The following LPCAT1 variants were observed in gnomAD, a reference collection of about 807,000 sequenced individuals.
LPCAT1 encodes the protein 1-acylglycerol-3-phosphate O-acyltransferase.
A neutral mutation model predicts 60.9 loss-of-function variants in LPCAT1; 23 were observed. The observed-to-expected ratio is 0.38, with a 90% CI of 0.27 to 0.53. The LOEUF is 0.53. Among genes scored for constraint, LPCAT1 ranks in the 20% least tolerant of loss-of-function variants. The pLI, the probability that LPCAT1 is intolerant of heterozygous loss-of-function variation, is 0.82. For synonymous variants in LPCAT1, 340 were observed against 301.1 expected (o/e 1.13, Z -1.34); for missense variants, 622 against 723.6 (o/e 0.86, Z 1.61).
chr5:1,501,749 G>A, intron 1 of LPCAT1, 146 bp from the exon 2 acceptor site: 1 of 831,616 alleles, frequency 1.2e-6, no homozygotes, highest in Non-Finnish European at 1.9e-6. Flanking sequence ...GCTGACCAAG[G>A]CTGACCAGCA....
At chr5:1,472,979 GCTC>G (rs1431691079) in intron 11 of LPCAT1, among the ~76,000 whole-genome samples, 5 of 152,082 alleles carry the variant, frequency 3.3e-5, no homozygotes, top group African/African-American at 7.2e-5. Context: ...TGTCCTGGGT[GCTC>G]CTCATCTTCT....
chr5:1,495,053 C>T lies in LPCAT1; in HGVS notation c.279-139G>A. ...CTTCCTGTGGTCGCCGCCGCTGGGA[C>T]ATCTGCTTGAGGGAAGAAAAGACGC... On this transcript the variant is annotated intron_variant, in intron 2 of 13. Transcript: ENST00000283415. The surrounding 1 kb of genome is among the most constrained non-coding windows in gnomAD (Gnocchi z 4.7). 1.4e-6 allele frequency: 1 copy of T among 739,998 alleles called. No individual in the cohort carries two copies. The highest frequency in any genetic ancestry group is 2.2e-6 in the Non-Finnish European group (1 of 462,204). 45.8% of individuals were successfully genotyped at this position (739,998 alleles called of 1,614,324 possible).
chr5:1,517,224 G>A (rs189959022), intron 1 of LPCAT1, among the ~76,000 whole-genome samples: 81 of 152,310 alleles, frequency 5.3e-4, no homozygotes, highest in African/African-American at 1.9e-3. Flanking sequence ...GACGGTCGCG[G>A]CTCCTGGCCA....
intron 13 of LPCAT1, among the ~76,000 whole-genome samples, chr5:1,465,168 A>G (rs1018890947): frequency 6.7e-6 from 1 of 148,354 alleles, no homozygotes; most frequent in African/African-American, 2.5e-5. Context: ...ACATGCATGC[A>G]CACACACAAA....
In LPCAT1 at chr5:1,472,657, A is replaced by C. The variant is rs182973454; in HGVS notation, c.1179+1300T>G. ...AATGCTGCCTGTGAAACCAGTATTC[A>C]CCATTTCACGTTTCAATTCCAACAC... On this transcript the variant is annotated intron_variant, in intron 11 of 13. Transcript: ENST00000283415. Among the ~76,000 whole-genome samples the C allele has an allele frequency of 3.3e-5, 5 of 152,196 alleles. No homozygotes were observed. In the East Asian group the frequency reaches 5.8e-4, roughly 18 times the overall value.
intron 6 of LPCAT1, among the ~76,000 whole-genome samples, chr5:1,482,531 T>G (rs1484551495): frequency 7.6e-5 from 1 of 13,106 alleles, no homozygotes. Flanking sequence ...TGGGGTGGGG[T>G]GGGGCAGAGC....
intron 1 of LPCAT1, among the ~76,000 whole-genome samples, chr5:1,517,611 T>C (rs1239421486): frequency 6.6e-6 from 1 of 152,056 alleles, no homozygotes; most frequent in Non-Finnish European, 1.5e-5. Flanking sequence ...GCAGGGCTCC[T>C]GAGTGGCCAC....
At chr5:1,499,510 A>G (rs1735928239) in intron 2 of LPCAT1, among the ~76,000 whole-genome samples, 1 of 152,216 alleles carries the variant, frequency 6.6e-6, no homozygotes, top group Non-Finnish European at 1.5e-5. Flanking sequence ...TATATATTTG[A>G]TACCCAATTC....
chr5:1,467,856 C>T (rs1195918295), intron 12 of LPCAT1, among the ~76,000 whole-genome samples: 1 of 152,112 alleles, frequency 6.6e-6, no homozygotes, highest in African/African-American at 2.4e-5. Flanking sequence ...CTGCCTGGGG[C>T]TGCACCATCC....
Position 1,496,818 on chromosome 5 carries a change from G to A in LPCAT1, c.279-1904C>T, listed in dbSNP as rs754925067. Among the ~76,000 whole-genome samples the A allele has an allele frequency of 9.2e-5, 14 of 152,190 alleles. No homozygotes were observed. On this transcript the variant is annotated intron_variant, in intron 2 of 13. Coordinates refer to ENST00000283415, the MANE Select transcript of LPCAT1 (RefSeq NM_024830.5). The surrounding 1 kb of genome is among the most constrained non-coding windows in gnomAD (Gnocchi z 4.7). ...CTCAGAGAAAAGCTCCGCTTGCTGTGGGGTTGGGGACCCAGCACCCACTCA... is the reference window on the plus strand; with the variant it reads ...CTCAGAGAAAAGCTCCGCTTGCTGTAGGGTTGGGGACCCAGCACCCACTCA...
rs946064578 is a variant in LPCAT1, at chr5:1,521,287, G to C, written c.135+2423C>G. The C allele has an allele frequency of 2.0e-6, 2 of 979,504 alleles. No individual in the cohort carries two copies. The highest frequency in any genetic ancestry group is 2.4e-6 in the Non-Finnish European group (2 of 824,594). The allele number at this position is 979,504 out of a possible 1,614,324, so 60.7% of individuals were successfully genotyped here. ...AGGTGTCCCCGCATGGCGCTAATCC[G>C]AAGACACACAGCAGCCCCTCCCAGG... On this transcript the variant is annotated intron_variant, in intron 1 of 13. Coordinates refer to ENST00000283415, the MANE Select transcript of LPCAT1 (RefSeq NM_024830.5). The surrounding 1 kb of genome is among the most constrained non-coding windows in gnomAD (Gnocchi z 4.3).
At position 1,481,094 on chromosome 5, in the gene LPCAT1, G is replaced by GT. The variant is rs1466569292; in HGVS notation, c.727-119_727-118insA. On this transcript the variant is annotated intron_variant, in intron 6 of 13. Coordinates refer to ENST00000283415, the MANE Select transcript of LPCAT1 (RefSeq NM_024830.5). The surrounding 1 kb of genome is among the most constrained non-coding windows in gnomAD (Gnocchi z 7.8). ...CACCCCACAGAGGCGCTGCAGCCAG[G>GT]GGGAAGGGAGGAGGGTGCTAGAGCT... is the stretch of plus-strand genomic sequence containing the variant. 1.8e-5 allele frequency: 22 copies of GT among 1,237,774 alleles called. No homozygotes were observed. The highest frequency in any genetic ancestry group is 3.4e-5 in the Admixed American group (2 of 58,294). 76.7% of individuals were successfully genotyped at this position (1,237,774 alleles called of 1,614,324 possible). A position where few individuals can be genotyped will look rare whatever the true frequency, so the allele number is the denominator to read the frequency against.
In LPCAT1 at chr5:1,501,449, C is replaced by T. The variant is rs756193421; in HGVS notation, c.278+12G>A. On this transcript the variant is annotated intron_variant, in intron 2 of 13. Transcript: ENST00000283415. ...CCCCCCAGGAGGAGAGCACGGCACA[C>T]GCGCAACTTACTTCCTCCACAGGGC... The T allele has an allele frequency of 1.6e-5, 26 of 1,603,864 alleles. No individual in the cohort carries two copies. Among genetic ancestry groups the T allele is most frequent in the Middle Eastern group, 2.0e-4 (1 of 5,048 alleles).
At chr5:1,470,626 G>A (rs545631782) in intron 12 of LPCAT1, among the ~76,000 whole-genome samples, 200 bp downstream of exon 12, 1 of 152,360 alleles carries the variant, frequency 6.6e-6, no homozygotes, top group East Asian at 1.9e-4. Flanking sequence ...AGTGTGGATT[G>A]CTAATCCAGG....
chr5:1,523,819 C>G lies in LPCAT1; in HGVS notation c.26G>C (p.Arg9Pro). The G allele has an allele frequency of 9.2e-7, 1 of 1,086,766 alleles. No individual in the cohort carries two copies. Among genetic ancestry groups the G allele is most frequent in the Non-Finnish European group, 1.1e-6 (1 of 895,462 alleles). The allele number at this position is 1,086,766 out of a possible 1,614,324, so 67.3% of individuals were successfully genotyped here. A position where few individuals can be genotyped will look rare whatever the true frequency, so the allele number is the denominator to read the frequency against. The change falls in exon 1 of 14, where the codon CGG (arginine) becomes CCG (proline). Residue 9 changes from arginine (R) to proline (P), a missense_variant. This residue lies in a region of LPCAT1 where 125 missense variants were observed against 114.5 expected (regional missense o/e 1.09). Transcript: ENST00000283415. The surrounding 1 kb of genome is among the most constrained non-coding windows in gnomAD (Gnocchi z 7.1). ...CCCTGCGCTGGAGGCAGGGGCGGCC[C>G]GGGGTCCGCATCCCCGCAGCCTCAT... is the stretch of plus-strand genomic sequence containing the variant. MRLRGCGPRAAPASSAGAS... is the reference protein window; with the variant it reads MRLRGCGPPAAPASSAGAS...
chr5:1,474,218 G>A, intron 10 of LPCAT1, 108 bp from the exon 11 acceptor site: 3 of 1,238,016 alleles, frequency 2.4e-6, no homozygotes, highest in Non-Finnish European at 3.4e-6. Context: ...AGAAGTAGCA[G>A]CAAGCTAGTT....
In LPCAT1 at chr5:1,522,972, C is replaced by G. The variant is rs1579823650; in HGVS notation, c.135+738G>C. Among the ~76,000 whole-genome samples the G allele has an allele frequency of 1.3e-5, 2 of 152,324 alleles. No homozygotes were observed. The highest frequency in any genetic ancestry group is 1.5e-5 in the Non-Finnish European group (1 of 68,018). On this transcript the variant is annotated intron_variant, in intron 1 of 13. Transcript: ENST00000283415. The surrounding 1 kb of genome is among the most constrained non-coding windows in gnomAD (Gnocchi z 6.8). ...CCTCACCACTGTCCCATCGCAGGAT[C>G]TCAGCAAACCGTTCCCTCCCACGTG...
Position 1,477,472 on chromosome 5 carries a change from G to T in LPCAT1, c.831C>A (p.Tyr277Ter). ...NQVEIEFLPV[Y>*]SPSEEEKRNP... is the part of the protein sequence containing the mutation. ...TCCTCTTCTCCTCCTCAGAAGGGCT[G>T]TACACAGGAAGGAACTGAGCACACA... Residue 277 changes from tyrosine (Y) to a stop codon, truncating the protein, a stop_gained, in exon 9 of 14, where the codon TAC becomes TAA. Coordinates refer to ENST00000283415, the MANE Select transcript of LPCAT1 (RefSeq NM_024830.5). LOFTEE classifies it high-confidence loss of function. The surrounding 1 kb of genome is among the most constrained non-coding windows in gnomAD (Gnocchi z 6.0). 6.2e-7 allele frequency: 1 copy of T among 1,613,750 alleles called. No homozygotes were observed. The highest frequency in any genetic ancestry group is 1.3e-5 in the African/African-American group (1 of 75,028).
intron 4 of LPCAT1, 123 bp from the exon 5 acceptor site, chr5:1,488,574 A>G (rs1320666223): frequency 4.7e-6 from 3 of 640,718 alleles, no homozygotes; most frequent in Non-Finnish European, 8.2e-6. Context: ...CACTGGGATC[A>G]TATTCAGTAC....
Sources: gnomAD v4.1 joint callset for allele counts (sites outside exome capture counted in the v4.1 genomes callset) on GRCh38, gnomAD v4.1.1 for gene constraint, gnomAD v4.1.1 regional missense constraint, Gnocchi (gnomAD v3.1) non-coding constraint, MANE v1.5 for transcripts, NCBI Gene and HGNC (gene_info 2026-07-23, HGNC 2026-07-21) for gene names.